The following ZFYVE26 variants were observed in gnomAD, a reference collection of about 807,000 sequenced individuals.
ZFYVE26 encodes the protein zinc finger FYVE-type containing 26.
In ZFYVE26, 181 loss-of-function variants were observed where a neutral mutation model predicts 276.5. The ratio of observed to expected loss-of-function variants is 0.65; its 90% CI spans 0.58 to 0.74. The LOEUF is 0.74. ZFYVE26 is among the 30% of genes least tolerant of loss of function. The pLI, the probability that ZFYVE26 is intolerant of heterozygous loss-of-function variation, is 0.00. For synonymous variants in ZFYVE26, 1,129 were observed against 1,203.1 expected (o/e 0.94, Z 1.27); for missense variants, 2,821 against 3,097.9 (o/e 0.91, Z 2.12).
chr14:67,804,841 C>T lies in ZFYVE26; in HGVS notation c.1271+376G>A, dbSNP rs115230972. On this transcript the variant is annotated intron_variant, in intron 8 of 41. Transcript: ENST00000347230. Reference sequence around the variant, plus strand: ...CAAGTTATTTTATACCTGTGGGCTTCAGTTGCCTGACTTTTATAATGAAGA... The same window carrying T: ...CAAGTTATTTTATACCTGTGGGCTTTAGTTGCCTGACTTTTATAATGAAGA... 4.4e-3 allele frequency among the ~76,000 whole-genome samples: 668 copies of T among 152,292 alleles called. 8 individuals carry two copies. Among genetic ancestry groups the T allele is most frequent in the African/African-American group, 0.015 (637 of 41,554 alleles).
At position 67,766,436 on chromosome 14, in the gene ZFYVE26, G is replaced by A. The variant is rs1295140433; in HGVS notation, c.5802C>T (p.Ala1934=). ...SEFYYEQAPS[A]SLCIAILNLH... The stretch of plus-strand genomic sequence containing the variant: ...GATTCAGGATGGCAATGCACAAGGA[G>A]GCGCTGGGGGCCTGGCCGGGGTGGA... Residue 1934 remains alanine (A), a synonymous_variant, in exon 32 of 42, where the codon GCC becomes GCT. Coordinates refer to ENST00000347230, the MANE Select transcript of ZFYVE26 (RefSeq NM_015346.4). The A allele has an allele frequency of 1.2e-6, 2 of 1,612,092 alleles. No homozygotes were observed. Among genetic ancestry groups the A allele is most frequent in the South Asian group, 1.1e-5 (1 of 91,006 alleles).
At chr14:67,797,574 C>T (rs930428405) in intron 12 of ZFYVE26, 98 bp downstream of exon 12, 45 of 1,332,478 alleles carry the variant, frequency 3.4e-5, no homozygotes, top group Non-Finnish European at 4.3e-5. Context: ...TTTTACAACG[C>T]TTTTGTTGTT....
chr14:67,801,981 C>A, intron 10 of ZFYVE26, 98 bp downstream of exon 10: 2 of 1,368,974 alleles, frequency 1.5e-6, no homozygotes, highest in South Asian at 1.2e-5. Flanking sequence ...AAGGCCATCA[C>A]CCCACTCCCA....
chr14:67,757,711 CTT>C (rs1337155288), intron 35 of ZFYVE26, among the ~76,000 whole-genome samples: 119 of 148,132 alleles, frequency 8.0e-4, no homozygotes, highest in African/African-American at 2.9e-3. Flanking sequence ...TTCTCTCTCT[CTT>C]TCTTTCTTTT....
chr14:67,776,319 G>A (rs1338512899), intron 25 of ZFYVE26, among the ~76,000 whole-genome samples: 1 of 152,214 alleles, frequency 6.6e-6, no homozygotes, highest in Non-Finnish European at 1.5e-5. Flanking sequence ...CACCAGATGA[G>A]GGGTTAGTAA....
At chr14:67,752,579 G>A (rs1224635261) in intron 39 of ZFYVE26, 53 bp from the exon 40 acceptor site, 2 of 1,590,492 alleles carry the variant, frequency 1.3e-6, no homozygotes, top group Non-Finnish European at 1.7e-6. Flanking sequence ...TTAACGGTGG[G>A]GAGGGAGGCA....
Position 67,789,718 on chromosome 14 carries a change from T to C in ZFYVE26, c.2756-120A>G, listed in dbSNP as rs1358611404. 6 of 1,300,106 alleles carry C rather than the reference T, an allele frequency of 4.6e-6. No homozygotes were observed. In the Admixed American group the frequency reaches 5.6e-5, roughly 12 times the overall value. The allele number at this position is 1,300,106 out of a possible 1,614,324, so 80.5% of individuals were successfully genotyped here. On this transcript the variant is annotated intron_variant, in intron 15 of 41. Transcript: ENST00000347230. ...GTTCATCTGCACAGGGTATCTTTCA[T>C]GTATATTAGCACTATCATTATGGCC...
rs181402451 is a variant in ZFYVE26, at chr14:67,801,701, T to A, written c.1639+378A>T. On this transcript the variant is annotated intron_variant, in intron 10 of 41. Transcript: ENST00000347230. ...GAAAAATAATCAGGAGTGTGCTCTA[T>A]GAAGTAAGCATTGTTTTTAAAACTT... is the stretch of plus-strand genomic sequence containing the variant. 3.7e-3 allele frequency among the ~76,000 whole-genome samples: 562 copies of A among 152,344 alleles called. 2 individuals carry two copies. Among genetic ancestry groups the A allele is most frequent in the African/African-American group, 0.013 (534 of 41,558 alleles).
chr14:67,748,352 A>C lies in ZFYVE26; in HGVS notation c.*84T>G. On this transcript the variant is annotated 3_prime_UTR_variant, in exon 42 of 42. Transcript: ENST00000347230. Reference sequence around the variant, plus strand: ...GGCAGAGCCAGAGAAGTCCCACTCCACTGGAGGAAAGAGGTGGAGGGCATC... The same window carrying C: ...GGCAGAGCCAGAGAAGTCCCACTCCCCTGGAGGAAAGAGGTGGAGGGCATC... 1 of 1,448,434 alleles carries C rather than the reference A, an allele frequency of 6.9e-7. No individual in the cohort carries two copies. Among genetic ancestry groups the C allele is most frequent in the Non-Finnish European group, 9.5e-7 (1 of 1,056,480 alleles). 89.7% of individuals were successfully genotyped at this position (1,448,434 alleles called of 1,614,324 possible).
intron 41 of ZFYVE26, 147 bp downstream of exon 41, chr14:67,750,905 T>A: frequency 9.7e-7 from 1 of 1,028,020 alleles, no homozygotes; most frequent in Non-Finnish European, 1.5e-6. Flanking sequence ...TACACCCCTA[T>A]CCAAGCCTCA....
chr14:67,733,961 C>T (rs1442832749), intron 13 of ZFYVE26: 3 of 732,056 alleles, frequency 4.1e-6, no homozygotes, highest in Non-Finnish European at 7.2e-6. Flanking sequence ...GCTGCGAATC[C>T]TGCCTGCTCT....
At chr14:67,777,827 C>T (rs2039387167) in intron 24 of ZFYVE26, 92 bp from the exon 25 acceptor site, 1 of 1,517,652 alleles carries the variant, frequency 6.6e-7, no homozygotes, top group Non-Finnish European at 9.1e-7. Context: ...TTTAGGTTTA[C>T]TCATTTTGGA....
chr14:67,744,265 A>C (rs545881696), downstream of ZFYVE26, among the ~76,000 whole-genome samples: 1 of 152,292 alleles, frequency 6.6e-6, no homozygotes, highest in Admixed American at 6.5e-5. Context: ...GCAGTCATCT[A>C]TCCTAGGTTT....
At chr14:67,751,233 T>TAGTGAGACCCCATGTCTTTGA in intron 40 of ZFYVE26, 137 bp from the exon 41 acceptor site, 2 of 903,860 alleles carry the variant, frequency 2.2e-6, no homozygotes, top group Non-Finnish European at 1.8e-6. Flanking sequence ...CTCAAAGACA[T>TAGTGAGACCCCATGTCTTTGA]GGGGTCTCAC....
At chr14:67,731,906 C>T (rs1224456119) in intron 13 of ZFYVE26, among the ~76,000 whole-genome samples, 1 of 151,134 alleles carries the variant, frequency 6.6e-6, no homozygotes, top group Non-Finnish European at 1.5e-5. Flanking sequence ...GTGGGTGGAT[C>T]ACTTGAGGTC....
chr14:67,791,253 AT>A (rs2039806501), intron 14 of ZFYVE26, among the ~76,000 whole-genome samples: 1 of 152,240 alleles, frequency 6.6e-6, no homozygotes, highest in Admixed American at 6.5e-5. Context: ...TCTTAAAAAA[AT>A]AATTCAAAAG....
At chr14:67,800,071 C>T (rs1327996066) in intron 10 of ZFYVE26, among the ~76,000 whole-genome samples, 1 of 152,218 alleles carries the variant, frequency 6.6e-6, no homozygotes, top group Non-Finnish European at 1.5e-5. Flanking sequence ...TGAATAGACC[C>T]TGTCTTCATT....
intron 28 of ZFYVE26, 101 bp downstream of exon 28, chr14:67,771,946 T>C: frequency 6.8e-7 from 1 of 1,467,290 alleles, no homozygotes; most frequent in Non-Finnish European, 9.3e-7. Flanking sequence ...AAAATACCGA[T>C]ATTCTCCTGG....
At chr14:67,763,168 G>A (rs937036841) in intron 32 of ZFYVE26, among the ~76,000 whole-genome samples, 1 of 152,218 alleles carries the variant, frequency 6.6e-6, no homozygotes, top group African/African-American at 2.4e-5. Context: ...GCCTCCCAAA[G>A]TGCTGGGATT....
Sources: allele counts gnomAD v4.1 joint callset (sites outside exome capture counted in the v4.1 genomes callset), GRCh38; gene constraint gnomAD v4.1.1; transcripts MANE v1.5; gene names NCBI Gene and HGNC (gene_info 2026-07-23, HGNC 2026-07-21).